Variants in PIP4K2A observed in about 807,000 individuals in gnomAD.
PIP4K2A encodes the protein phosphatidylinositol-5-phosphate 4-kinase type 2 alpha, also known as phosphatidylinositol 5-phosphate 4-kinase type-2 alpha.
A neutral mutation model predicts 42.9 loss-of-function variants in PIP4K2A; 14 were observed. The observed-to-expected ratio is 0.33, with a 90% confidence interval of 0.22 to 0.51. The LOEUF is 0.51. Ranked by LOEUF, PIP4K2A falls within the 20% of genes least tolerant of loss-of-function variation. PIP4K2A has a pLI of 0.97. For synonymous variants in PIP4K2A, 192 were observed against 192.2 expected, an observed-to-expected ratio of 1.00 and a Z score of 0.01; for missense variants, 434 against 519.8, an observed-to-expected ratio of 0.83 and a Z score of 1.61.
intron 1 of PIP4K2A, among the ~76,000 whole-genome samples, chr10:22,695,490 A>T (rs997795782): frequency 2.6e-5 from 4 of 152,224 alleles, no homozygotes; most frequent in African/African-American, 9.7e-5. Context: ...AGTACAATCA[A>T]TATTTCTTTT....
chr10:22,653,798 C>T (rs937234335), intron 1 of PIP4K2A, among the ~76,000 whole-genome samples: 1 of 152,156 alleles, frequency 6.6e-6, no homozygotes, highest in African/African-American at 2.4e-5. Context: ...CGCATGAATC[C>T]AGAAGGCGGA....
rs116277590 is a variant in PIP4K2A, at chr10:22,600,053, T to C, written c.339+7874A>G. On this transcript the variant is annotated intron_variant, in intron 3 of 9. Transcript: ENST00000376573. ...AAGGAAACATAAATGTCAATTTAAT[T>C]AGCTCATTCTTACCGCCAATCTTTT... 6.8e-3 allele frequency among the ~76,000 whole-genome samples: 1,041 copies of C among 152,328 alleles called. 15 individuals carry two copies. The highest frequency in any genetic ancestry group is 0.024 in the African/African-American group (994 of 41,576).
At chr10:22,648,871 A>G (rs1419903816) in intron 1 of PIP4K2A, among the ~76,000 whole-genome samples, 1 of 152,256 alleles carries the variant, frequency 6.6e-6, no homozygotes, top group Non-Finnish European at 1.5e-5. Flanking sequence ...AAAGCAATTC[A>G]GAGATACTTG....
chr10:22,538,623 G>A (rs1385605989), intron 9 of PIP4K2A, among the ~76,000 whole-genome samples: 1 of 152,180 alleles, frequency 6.6e-6, no homozygotes, highest in East Asian at 1.9e-4. Context: ...TCAACCAGAG[G>A]TGAGCATCAG....
chr10:22,604,354 T>A (rs1215118514), intron 3 of PIP4K2A, among the ~76,000 whole-genome samples: 1 of 152,066 alleles, frequency 6.6e-6, no homozygotes, highest in African/African-American at 2.4e-5. Flanking sequence ...CAATACCTAC[T>A]TTTTTCAGGT....
At chr10:22,603,340 T>G (rs1466910622) in intron 3 of PIP4K2A, among the ~76,000 whole-genome samples, 1 of 152,174 alleles carries the variant, frequency 6.6e-6, no homozygotes, top group African/African-American at 2.4e-5. Context: ...CTTTTTGGTT[T>G]CTGGGAGGCA....
chr10:22,567,419 T>C (rs915892314), intron 6 of PIP4K2A: 2 of 361,456 alleles, frequency 5.5e-6, no homozygotes, highest in East Asian at 7.1e-5. Flanking sequence ...CAAGCCAACA[T>C]ACTACAGGTG....
chr10:22,664,086 T>TAC (rs1287583630), intron 1 of PIP4K2A, among the ~76,000 whole-genome samples: 1 of 73,528 alleles, frequency 1.4e-5, no homozygotes, highest in Non-Finnish European at 2.4e-5. Context: ...CGTATATATA[T>TAC]ATACATATAT....
At chr10:22,548,306 G>C (rs768750609) in intron 7 of PIP4K2A, among the ~76,000 whole-genome samples, 4 of 152,202 alleles carry the variant, frequency 2.6e-5, no homozygotes, top group Admixed American at 6.5e-5. Context: ...TATGGGATTA[G>C]ACTATAGAGT....
intron 9 of PIP4K2A, among the ~76,000 whole-genome samples, chr10:22,538,899 T>G (rs999076366): frequency 6.6e-6 from 1 of 152,224 alleles, no homozygotes; most frequent in Non-Finnish European, 1.5e-5. Flanking sequence ...AATACTGTGT[T>G]TGTTAGGCTG....
intron 1 of PIP4K2A, among the ~76,000 whole-genome samples, chr10:22,660,042 TTTGA>T (rs1839172879): frequency 6.6e-6 from 1 of 152,068 alleles, no homozygotes; most frequent in Non-Finnish European, 1.5e-5. Flanking sequence ...CCCCACAAAC[TTTGA>T]TTGTTTCCAG....
At chr10:22,569,570 A>G (rs1336449718) in intron 5 of PIP4K2A, among the ~76,000 whole-genome samples, 1 of 152,224 alleles carries the variant, frequency 6.6e-6, no homozygotes, top group Non-Finnish European at 1.5e-5. Flanking sequence ...GACATTTGTA[A>G]TACTTGAGCA....
Position 22,714,382 on chromosome 10 carries a change from C to T in PIP4K2A, c.-56G>A. ...GCTCCCGAGGCCGGGGACCCGCCCT[C>T]TCTACACCCCGGCCCGGGGAGGCAG... On this transcript the variant is annotated 5_prime_UTR_variant, in exon 1 of 10. Coordinates refer to ENST00000376573, the MANE Select transcript of PIP4K2A (RefSeq NM_005028.5). 2 of 1,293,778 alleles carry T rather than the reference C, an allele frequency of 1.5e-6. No individual in the cohort carries two copies. The highest frequency in any genetic ancestry group is 2.0e-6 in the Non-Finnish European group (2 of 1,005,036). The allele number at this position is 1,293,778 out of a possible 1,614,324, so 80.1% of individuals were successfully genotyped here.
At position 22,630,256 on chromosome 10, in the gene PIP4K2A, C is replaced by G. The variant is rs193194465; in HGVS notation, c.145-20539G>C. Among the ~76,000 whole-genome samples, 10 of 151,914 alleles carry G rather than the reference C, an allele frequency of 6.6e-5. No individual in the cohort carries two copies. The East Asian group carries it at 7.7e-4, about 12-fold the overall frequency. ...AGGGCTGGGGTTTCATATCAAACAGCCTTTTTGTTTGATATGAAGCTGGTA... is the reference window on the plus strand; with the variant it reads ...AGGGCTGGGGTTTCATATCAAACAGGCTTTTTGTTTGATATGAAGCTGGTA... On this transcript the variant is annotated intron_variant, in intron 1 of 9. Transcript: ENST00000376573.
intron 6 of PIP4K2A, among the ~76,000 whole-genome samples, chr10:22,562,189 G>C (rs1017040823): frequency 6.6e-5 from 10 of 152,082 alleles, no homozygotes; most frequent in Admixed American, 3.9e-4. Context: ...AAACCCAAAG[G>C]ATGGCAGAAA....
intron 1 of PIP4K2A, among the ~76,000 whole-genome samples, chr10:22,612,186 C>G (rs932230914): frequency 6.6e-6 from 1 of 152,272 alleles, no homozygotes; most frequent in African/African-American, 2.4e-5. Context: ...AGAGTCCACT[C>G]TGTGCTGGGC....
At chr10:22,571,242 T>C (rs969394695) in intron 5 of PIP4K2A, among the ~76,000 whole-genome samples, 1 of 152,228 alleles carries the variant, frequency 6.6e-6, no homozygotes, top group Admixed American at 6.5e-5. Flanking sequence ...GGCATGTGAC[T>C]GATGTTTGCT....
intron 1 of PIP4K2A, among the ~76,000 whole-genome samples, chr10:22,666,970 CTGCT>C (rs1839364796): frequency 6.6e-6 from 1 of 152,166 alleles, no homozygotes; most frequent in East Asian, 1.9e-4. Flanking sequence ...TATTCACTAC[CTGCT>C]TAATAACAAT....
intron 1 of PIP4K2A, among the ~76,000 whole-genome samples, chr10:22,688,821 T>A (rs973036792): frequency 2.0e-5 from 3 of 152,194 alleles, no homozygotes; most frequent in African/African-American, 7.2e-5. Flanking sequence ...ATATTTTTTA[T>A]CTGGTACAAT....
Sources: allele counts gnomAD v4.1 joint callset (sites outside exome capture counted in the v4.1 genomes callset), GRCh38; gene constraint gnomAD v4.1.1; transcripts MANE v1.5; gene names NCBI Gene and HGNC (gene_info 2026-07-23, HGNC 2026-07-21).